The following CFAP47 variants were observed in gnomAD, a reference collection of about 807,000 sequenced individuals.
The protein encoded by CFAP47 is cilia- and flagella-associated protein 47.
Under a neutral mutation model 148.1 loss-of-function variants are expected in CFAP47, and 29 were observed. The observed-to-expected ratio is 0.20, with a 90% CI of 0.15 to 0.27. CFAP47 has a LOEUF of 0.27. CFAP47 is among the 10% of genes least tolerant of loss of function. The probability of loss-of-function intolerance (pLI) is 1.00; values close to 1 mark genes in which losing one functional copy is unlikely to be tolerated. For synonymous variants in CFAP47, 664 were observed against 577.3 expected (o/e 1.15, Z -2.15); for missense variants, 1,872 against 1,697.5 (o/e 1.10, Z -1.81).
intron 15 of CFAP47, among the ~76,000 whole-genome samples, chrX:35,988,308 A>G (rs1936745046): frequency 8.9e-6 from 1 of 112,057 alleles, no homozygotes; most frequent in South Asian, 3.7e-4. Context: ...ATTCAAATGT[A>G]ATCTTGATGG....
At chrX:36,157,946 C>A (rs1311913923) in intron 37 of CFAP47, among the ~76,000 whole-genome samples, 1 of 111,717 alleles carries the variant, frequency 9.0e-6, no homozygotes, top group Non-Finnish European at 1.9e-5. Flanking sequence ...TCATAAGAGT[C>A]CTTTTGCACA....
chrX:36,314,042 G>A (rs782203370), intron 56 of CFAP47, among the ~76,000 whole-genome samples: 5 of 110,767 alleles, frequency 4.5e-5, no homozygotes, highest in South Asian at 7.6e-4. Flanking sequence ...GAGATAATAC[G>A]GTATAAATTA....
rs186522625 is a variant in CFAP47, at chrX:36,318,432, G to T, written c.8345-777G>T. On this transcript the variant is annotated intron_variant, in intron 56 of 63. Coordinates refer to ENST00000378653, the MANE Select transcript of CFAP47 (RefSeq NM_001304548.2). ...GGGGATAGATTTCAGAACCCCCAAG[G>T]ATATCACAATCCACAAATCCCCATG... 2.6e-3 allele frequency among the ~76,000 whole-genome samples: 295 copies of T among 111,588 alleles called. 1 individual carries two copies. The highest frequency in any genetic ancestry group is 8.7e-3 in the African/African-American group (267 of 30,721).
chrX:36,044,324 G>T (rs907093715), intron 25 of CFAP47, among the ~76,000 whole-genome samples: 1 of 113,075 alleles, frequency 8.8e-6, no homozygotes, highest in Admixed American at 9.3e-5. Flanking sequence ...GAAAAATGCT[G>T]TCTTCTTTTC....
chrX:35,944,781 A>G (rs1321426511), intron 3 of CFAP47, among the ~76,000 whole-genome samples: 1 of 111,889 alleles, frequency 8.9e-6, no homozygotes, highest in Non-Finnish European at 1.9e-5. Context: ...TAGAGAAGAT[A>G]GAAGAATCCA....
chrX:36,224,009 A>T (rs1174688565), intron 45 of CFAP47, among the ~76,000 whole-genome samples: 7 of 111,140 alleles, frequency 6.3e-5, no homozygotes, highest in East Asian at 2.8e-4. Context: ...AGCTAAAATT[A>T]AAAAAATTAT....
chrX:36,141,066 T>TG (rs755640898), intron 35 of CFAP47, among the ~76,000 whole-genome samples: 11,456 of 108,677 alleles, frequency 0.11, 1,208 homozygotes, highest in African/African-American at 0.32. Flanking sequence ...TAAATTTTTT[T>TG]TTTTTTTTTT....
intron 2 of CFAP47, among the ~76,000 whole-genome samples, chrX:35,935,426 T>C (rs1487384167): frequency 9.0e-6 from 1 of 111,637 alleles, no homozygotes; most frequent in Non-Finnish European, 1.9e-5. Context: ...CTCCATGCCA[T>C]GCTGCCACTG....
At chrX:36,361,703 A>T (rs1320515571) in intron 61 of CFAP47, among the ~76,000 whole-genome samples, 1 of 111,731 alleles carries the variant, frequency 9.0e-6, no homozygotes, top group Non-Finnish European at 1.9e-5. Flanking sequence ...AAAATCTAAG[A>T]TATCCCTCAA....
At chrX:36,047,529 C>T (rs766906002) in intron 26 of CFAP47, among the ~76,000 whole-genome samples, 2 of 112,015 alleles carry the variant, frequency 1.8e-5, no homozygotes, top group South Asian at 7.4e-4. Flanking sequence ...GAGGAGATTT[C>T]AAATACATCT....
chrX:36,095,708 G>T (rs768554851), intron 30 of CFAP47, among the ~76,000 whole-genome samples: 1 of 111,436 alleles, frequency 9.0e-6, no homozygotes, highest in African/African-American at 3.2e-5. Flanking sequence ...TGCAGTATCA[G>T]TTGTAATGCC....
chrX:36,371,699 CAT>C (rs1491243168), intron 62 of CFAP47, among the ~76,000 whole-genome samples: 2 of 56,671 alleles, frequency 3.5e-5, no homozygotes, highest in African/African-American at 9.6e-5. Context: ...TATATACACA[CAT>C]GTGTATATAT....
chrX:36,071,836 T>C lies in CFAP47; in HGVS notation c.4330T>C (p.Tyr1444His). 1.7e-6 allele frequency: 2 copies of C among 1,204,080 alleles called. No homozygotes were observed. The highest frequency in any genetic ancestry group is 3.6e-5 in the South Asian group (2 of 55,558). ...TGTGTCATTTGTAGATAAGGATGAA[T>C]ATCTTAAGAAGACTAGAGATGGTGT... is the stretch of plus-strand genomic sequence containing the variant. ...NIILKNDKDE[Y>H]LKKTRDGVLP... The change falls in exon 28 of 64, where the codon TAT becomes CAT. Residue 1444 changes from tyrosine to histidine, a missense_variant. By Grantham distance (83) the Tyr-to-His change is moderately conservative (BLOSUM62 2). Transcript: ENST00000378653.
At chrX:35,957,270 A>G (rs1334730308) in intron 8 of CFAP47, among the ~76,000 whole-genome samples, 1 of 109,723 alleles carries the variant, frequency 9.1e-6, no homozygotes, top group African/African-American at 3.3e-5. Context: ...CATGGAGCCT[A>G]AAGTGTTCAC....
intron 45 of CFAP47, chrX:36,211,471 A>T (rs1326429002): frequency 3.6e-6 from 1 of 277,677 alleles, no homozygotes; most frequent in Non-Finnish European, 6.7e-6. Flanking sequence ...CATCCTGTCC[A>T]GTCCACTAGT....
chrX:36,160,950 C>T (rs957373328), intron 39 of CFAP47, among the ~76,000 whole-genome samples, 181 bp downstream of exon 39: 3 of 106,622 alleles, frequency 2.8e-5, no homozygotes, highest in African/African-American at 1.0e-4. Context: ...CCAGGTCAAG[C>T]GATTCTCCTG....
chrX:36,204,194 G>A (rs782095102), intron 44 of CFAP47, among the ~76,000 whole-genome samples: 2 of 111,293 alleles, frequency 1.8e-5, no homozygotes, highest in South Asian at 7.6e-4. Flanking sequence ...CTCCCATTCT[G>A]TAGGTTGCCT....
chrX:36,059,470 G>A (rs1218068677), intron 26 of CFAP47, among the ~76,000 whole-genome samples: 2 of 111,774 alleles, frequency 1.8e-5, no homozygotes, highest in African/African-American at 6.5e-5. Flanking sequence ...AGATAAGCAT[G>A]CAAACAGTAG....
intron 56 of CFAP47, among the ~76,000 whole-genome samples, chrX:36,318,689 C>T (rs1041615986): frequency 4.5e-5 from 5 of 112,042 alleles, no homozygotes; most frequent in Non-Finnish European, 7.5e-5. Flanking sequence ...TTGGTTGAAT[C>T]CATGGATATG....
Sources: allele counts gnomAD v4.1 joint callset (sites outside exome capture counted in the v4.1 genomes callset), GRCh38; gene constraint gnomAD v4.1.1; transcripts MANE v1.5; gene names NCBI Gene and HGNC (gene_info 2026-07-23, HGNC 2026-07-21).